Variants in DLG2 observed in about 807,000 individuals in gnomAD.
DLG2 encodes the protein disks large homolog 2.
In DLG2, 45 loss-of-function variants were observed where a neutral mutation model predicts 132.5. The ratio of observed to expected loss-of-function variants is 0.34; its 90% CI spans 0.27 to 0.44. DLG2 has a LOEUF of 0.44. DLG2 is among the 20% of genes least tolerant of loss of function. The pLI is 1.00. For synonymous variants in DLG2, 424 were observed against 419.6 expected (o/e 1.01, Z -0.13); for missense variants, 1,045 against 1,196.9 (o/e 0.87, Z 1.87).
chr11:85,226,985 A>T (rs2075016467), intron 4 of DLG2, among the ~76,000 whole-genome samples: 1 of 152,142 alleles, frequency 6.6e-6, no homozygotes, highest in South Asian at 2.1e-4. Flanking sequence ...ACAATTAGAC[A>T]TCTTGGCTTC....
intron 3 of DLG2, among the ~76,000 whole-genome samples, chr11:85,526,664 ACT>A (rs2074775053): frequency 6.6e-6 from 1 of 152,050 alleles, no homozygotes; most frequent in South Asian, 2.1e-4. Flanking sequence ...GCTAAGGGAA[ACT>A]CTGATTGCTA....
Position 85,477,959 on chromosome 11 carries a change from T to C in DLG2, c.40+120698A>G, listed in dbSNP as rs1008406026. Among the ~76,000 whole-genome samples the C allele has an allele frequency of 3.9e-5, 6 of 152,204 alleles. No individual in the cohort carries two copies. The East Asian group carries it at 5.8e-4, about 15-fold the overall frequency. On this transcript the variant is annotated intron_variant, in intron 3 of 27. Coordinates refer to ENST00000376104, the MANE Select transcript of DLG2 (RefSeq NM_001142699.3). The stretch of plus-strand genomic sequence containing the variant: ...CAGGTAGAAATATTTAAACTAACAG[T>C]TTCTCTGGCTTGGAGAAGTTGGGTA...
chr11:84,447,612 A>G lies in DLG2; in HGVS notation c.519+86958T>C, dbSNP rs181401889. Among the ~76,000 whole-genome samples the G allele has an allele frequency of 2.0e-3, 300 of 152,172 alleles. 1 individual carries two copies. The highest frequency in any genetic ancestry group is 7.0e-3 in the African/African-American group (289 of 41,544). ...TGTGTCTCTTTTCTGAGACAAATAA[A>G]TATCTTCTTGAGCCTTATGAGTAGT... On this transcript the variant is annotated intron_variant, in intron 7 of 27. Transcript: ENST00000376104.
chr11:83,579,614 C>T (rs1340029750), intron 19 of DLG2, among the ~76,000 whole-genome samples: 1 of 151,548 alleles, frequency 6.6e-6, no homozygotes, highest in Admixed American at 6.6e-5. Context: ...AAAAACTGGC[C>T]ATTTTACAAG....
chr11:84,400,167 G>C (rs1382898743), intron 7 of DLG2, among the ~76,000 whole-genome samples: 1 of 152,200 alleles, frequency 6.6e-6, no homozygotes, highest in Non-Finnish European at 1.5e-5. Flanking sequence ...AGTTAGGAGA[G>C]TAAGATTATG....
intron 4 of DLG2, among the ~76,000 whole-genome samples, chr11:85,250,071 G>A (rs754773900): frequency 6.6e-6 from 1 of 152,138 alleles, no homozygotes; most frequent in Admixed American, 6.6e-5. Context: ...TTTTACAGGG[G>A]CCCAGCCCAA....
intron 8 of DLG2, among the ~76,000 whole-genome samples, chr11:84,164,542 C>T (rs1416318965): frequency 6.6e-6 from 1 of 152,190 alleles, no homozygotes; most frequent in Non-Finnish European, 1.5e-5. Flanking sequence ...AAGGCCCAGA[C>T]AGCCAGCCCT....
At chr11:84,227,243 G>A (rs1372110845) in intron 8 of DLG2, among the ~76,000 whole-genome samples, 2 of 152,002 alleles carry the variant, frequency 1.3e-5, no homozygotes, top group Non-Finnish European at 2.9e-5. Context: ...CAGGTGAAAT[G>A]AAAGAAAAAG....
chr11:84,586,643 A>G (rs1018702829), intron 6 of DLG2, among the ~76,000 whole-genome samples: 1 of 151,946 alleles, frequency 6.6e-6, no homozygotes, highest in Non-Finnish European at 1.5e-5. Flanking sequence ...CTATTTTTCT[A>G]TATTATTTTT....
chr11:83,556,040 G>T (rs2096509260), intron 19 of DLG2, among the ~76,000 whole-genome samples: 1 of 152,206 alleles, frequency 6.6e-6, no homozygotes, highest in African/African-American at 2.4e-5. Flanking sequence ...GGATGAAACT[G>T]TGATTAGTCC....
At chr11:84,790,337 A>G (rs566692804) in intron 6 of DLG2, among the ~76,000 whole-genome samples, 17 of 152,278 alleles carry the variant, frequency 1.1e-4, no homozygotes, top group Admixed American at 3.3e-4. Context: ...CTGATGATCA[A>G]TGATGTTGAG....
At chr11:84,059,233 G>C in intron 11 of DLG2, 82 bp downstream of exon 11, 2 of 1,379,212 alleles carry the variant, frequency 1.5e-6, no homozygotes, top group Non-Finnish European at 2.0e-6. Flanking sequence ...AGGTTAAAGA[G>C]TTCATCATAC....
chr11:84,750,137 A>G (rs766099844), intron 6 of DLG2, among the ~76,000 whole-genome samples: 34 of 152,114 alleles, frequency 2.2e-4, no homozygotes, highest in Non-Finnish European at 1.5e-4. Context: ...AAGATGGTAG[A>G]CTTTGCTCTG....
At chr11:84,169,381 T>C (rs1472668897) in intron 8 of DLG2, among the ~76,000 whole-genome samples, 1 of 152,168 alleles carries the variant, frequency 6.6e-6, no homozygotes, top group African/African-American at 2.4e-5. Flanking sequence ...GTCACAAAAT[T>C]TGTCTGATCA....
At chr11:84,284,190 C>T (rs899466719) in intron 7 of DLG2, among the ~76,000 whole-genome samples, 1 of 152,156 alleles carries the variant, frequency 6.6e-6, no homozygotes, top group Non-Finnish European at 1.5e-5. Flanking sequence ...GCCGAGATCG[C>T]ACCATTGCAA....
intron 3 of DLG2, among the ~76,000 whole-genome samples, chr11:85,301,191 A>G (rs1049968081): frequency 2.6e-5 from 4 of 151,886 alleles, no homozygotes; most frequent in Non-Finnish European, 5.9e-5. Flanking sequence ...ACAGAACAAG[A>G]CTCCATCTCA....
chr11:85,137,172 G>A (rs912252620), intron 5 of DLG2, among the ~76,000 whole-genome samples: 13 of 152,014 alleles, frequency 8.6e-5, no homozygotes, highest in African/African-American at 2.7e-4. Context: ...AGTGTTACAA[G>A]TACAGGATGC....
chr11:84,658,299 G>A (rs1248966911), intron 6 of DLG2, among the ~76,000 whole-genome samples: 1 of 152,048 alleles, frequency 6.6e-6, no homozygotes, highest in Non-Finnish European at 1.5e-5. Context: ...TTCTTTCTAG[G>A]TTCATTTAAG....
intron 21 of DLG2, among the ~76,000 whole-genome samples, chr11:83,504,209 CT>C (rs929613412): frequency 1.3e-5 from 2 of 152,176 alleles, no homozygotes; most frequent in African/African-American, 4.8e-5. Flanking sequence ...GTATTGATGA[CT>C]TCTTCTACTA....
Sources: gnomAD v4.1 joint callset for allele counts (sites outside exome capture counted in the v4.1 genomes callset) on GRCh38, gnomAD v4.1.1 for gene constraint, MANE v1.5 for transcripts, NCBI Gene and HGNC (gene_info 2026-07-23, HGNC 2026-07-21) for gene names.